The following TENM2 variants were observed in gnomAD, a reference collection of about 807,000 sequenced individuals.
TENM2 encodes teneurin-2.
Under a neutral mutation model 245.2 loss-of-function variants are expected in TENM2, and 52 were observed. The ratio of observed to expected loss-of-function variants is 0.21; its 90% CI spans 0.17 to 0.27. The LOEUF is 0.27. Ranked by LOEUF, TENM2 falls within the 10% of genes least tolerant of loss-of-function variation. TENM2 has a pLI of 1.00. For missense variants in TENM2, 3,046 were observed against 3,666.8 expected, an observed-to-expected ratio of 0.83 and a Z score of 4.37; for synonymous variants, 1,363 against 1,438.9, an observed-to-expected ratio of 0.95 and a Z score of 1.19.
rs375521743 is a variant in TENM2 at position 168,125,460 on chromosome 5, G to C, written c.2209+410G>C. Among the ~76,000 whole-genome samples, 6 of 152,260 alleles carry C rather than the reference G, an allele frequency of 3.9e-5. No homozygotes were observed. In the East Asian group the frequency reaches 1.2e-3, roughly 29 times the overall value. ...TTCTACAGCTCTGTAATACTCCAGTGACAGGAAAATAATGAAGTCGCGCTG... is the reference window on the plus strand; with the variant it reads ...TTCTACAGCTCTGTAATACTCCAGTCACAGGAAAATAATGAAGTCGCGCTG... On this transcript the variant is annotated intron_variant, in intron 11 of 28. Coordinates refer to ENST00000518659, the Ensembl canonical transcript of TENM2.
chr5:167,034,538 G>A, the TENM2 span, among the ~76,000 whole-genome samples: 1 of 149,014 alleles, frequency 6.7e-6, no homozygotes, highest in African/African-American at 2.5e-5. Context: ...GCTGAGGCAG[G>A]AGAATAGCGT....
At chr5:167,248,647 G>A in the TENM2 span, among the ~76,000 whole-genome samples, 4 of 152,068 alleles carry the variant, frequency 2.6e-5, no homozygotes, top group Admixed American at 1.3e-4. Context: ...TGTTGGTGGC[G>A]GGGTGGCAAA....
chr5:168,049,644 C>G (rs556888873), intron 6 of TENM2, among the ~76,000 whole-genome samples: 32 of 152,262 alleles, frequency 2.1e-4, no homozygotes, highest in African/African-American at 7.2e-4. Flanking sequence ...TCTAAATTAA[C>G]AAATGAAGAA....
the TENM2 span, among the ~76,000 whole-genome samples, chr5:167,147,883 A>G: frequency 1.3e-5 from 2 of 152,170 alleles, no homozygotes; most frequent in Non-Finnish European, 2.9e-5. Flanking sequence ...CTGTAGGTAT[A>G]GCCAAGCCTC....
chr5:167,717,491 C>G (rs965935893), intron 2 of TENM2, among the ~76,000 whole-genome samples: 2 of 152,200 alleles, frequency 1.3e-5, no homozygotes, highest in African/African-American at 2.4e-5. Flanking sequence ...ACCTCATACT[C>G]TGAACACTTT....
intron 25 of TENM2, among the ~76,000 whole-genome samples, chr5:168,239,941 G>A (rs1765935455): frequency 6.6e-6 from 1 of 152,078 alleles, no homozygotes; most frequent in African/African-American, 2.4e-5. Context: ...TCCACAGCTG[G>A]GCACGGTGGC....
chr5:167,543,983 A>C (rs1772387419), intron 2 of TENM2, among the ~76,000 whole-genome samples: 1 of 152,174 alleles, frequency 6.6e-6, no homozygotes, highest in African/African-American at 2.4e-5. Context: ...CAATGAACCT[A>C]TTTCCAAATA....
At chr5:167,210,288 CCCA>C in the TENM2 span, among the ~76,000 whole-genome samples, 1 of 152,118 alleles carries the variant, frequency 6.6e-6, no homozygotes. Context: ...GTGCTTCTTT[CCCA>C]TAATGAAGTG....
chr5:167,462,840 G>T (rs1241018145), intron 2 of TENM2, among the ~76,000 whole-genome samples: 1 of 152,024 alleles, frequency 6.6e-6, no homozygotes, highest in Non-Finnish European at 1.5e-5. Context: ...ATTTAGAGCT[G>T]CCAGTTTCCA....
chr5:167,675,270 A>T (rs1416131431), intron 2 of TENM2, among the ~76,000 whole-genome samples: 1 of 152,150 alleles, frequency 6.6e-6, no homozygotes, highest in Non-Finnish European at 1.5e-5. Context: ...GACTTTTGAT[A>T]TCTGCTGATA....
At chr5:168,006,299 C>G (rs967807017) in intron 5 of TENM2, among the ~76,000 whole-genome samples, 1 of 152,186 alleles carries the variant, frequency 6.6e-6, no homozygotes, top group Admixed American at 6.5e-5. Context: ...GAAGACTTAA[C>G]ATCGCTACCC....
intron 2 of TENM2, among the ~76,000 whole-genome samples, chr5:167,798,509 C>T (rs1021300445): frequency 3.3e-5 from 5 of 152,168 alleles, no homozygotes; most frequent in African/African-American, 1.2e-4. Flanking sequence ...GCTGGTGGGG[C>T]CAGGGTAGAC....
chr5:168,136,406 C>T (rs530643575), intron 12 of TENM2, among the ~76,000 whole-genome samples: 1 of 152,176 alleles, frequency 6.6e-6, no homozygotes, highest in African/African-American at 2.4e-5. Flanking sequence ...TTCATTGAAA[C>T]CTGCTGCCTG....
intron 5 of TENM2, among the ~76,000 whole-genome samples, chr5:168,046,325 G>A (rs536467081): frequency 2.6e-5 from 4 of 152,250 alleles, no homozygotes; most frequent in Admixed American, 2.0e-4. Context: ...TCTCTCCTGC[G>A]GTGGTAGGAA....
At chr5:167,348,391 A>T (rs1758607812) in intron 1 of TENM2, among the ~76,000 whole-genome samples, 1 of 152,188 alleles carries the variant, frequency 6.6e-6, no homozygotes. Context: ...CCGACTGAGT[A>T]GAATGGCTGC....
chr5:167,117,096 T>C, the TENM2 span, among the ~76,000 whole-genome samples: 101 of 152,258 alleles, frequency 6.6e-4, no homozygotes, highest in Non-Finnish European at 1.3e-3. Context: ...CATGGTGGTA[T>C]ACCTAAGGCC....
chr5:167,027,256 G>T, the TENM2 span, among the ~76,000 whole-genome samples: 1 of 151,948 alleles, frequency 6.6e-6, no homozygotes, highest in Non-Finnish European at 1.5e-5. Context: ...AGTTACTTTT[G>T]GTTTTTTGAA....
intron 2 of TENM2, among the ~76,000 whole-genome samples, chr5:167,396,385 A>G (rs1762054947): frequency 6.6e-6 from 1 of 152,178 alleles, no homozygotes; most frequent in South Asian, 2.1e-4. Flanking sequence ...CATGCATTCA[A>G]TTATATGAAG....
intron 4 of TENM2, among the ~76,000 whole-genome samples, chr5:167,973,294 C>G (rs1781937263): frequency 6.6e-6 from 1 of 152,164 alleles, no homozygotes; most frequent in Non-Finnish European, 1.5e-5. Context: ...GTTACTTTAT[C>G]TGAAACTCTG....
Sources: gnomAD v4.1 joint callset for allele counts (sites outside exome capture counted in the v4.1 genomes callset) on GRCh38, gnomAD v4.1.1 for gene constraint, MANE v1.5 for transcripts, NCBI Gene and HGNC (gene_info 2026-07-23, HGNC 2026-07-21) for gene names.